The following BASP1 variants were observed in gnomAD, a reference collection of about 807,000 sequenced individuals.
BASP1 encodes brain acid soluble protein 1.
Under a neutral mutation model 2.2 loss-of-function variants are expected in BASP1, and 1 was observed. The observed-to-expected ratio is 0.46, with a 90% confidence interval of 0.16 to 2.17. The LOEUF (loss-of-function observed/expected upper bound fraction) is 2.17, where lower values mean the gene tolerates loss of function less well. Among genes scored for constraint, BASP1 ranks in the 30% most tolerant of loss-of-function variants. The pLI is 0.27. For synonymous variants in BASP1, 187 were observed against 154.2 expected (o/e 1.21, Z -1.58); for missense variants, 352 against 327.2 (o/e 1.08, Z -0.58).
At chr5:17,234,684 A>C (rs1225522358) in intron 1 of BASP1, among the ~76,000 whole-genome samples, 2 of 152,232 alleles carry the variant, frequency 1.3e-5, no homozygotes, top group African/African-American at 2.4e-5. Context: ...TCCTTTAAGT[A>C]GCTTACAGTG....
chr5:17,250,395 C>T (rs1238105984), intron 1 of BASP1, among the ~76,000 whole-genome samples: 1 of 152,090 alleles, frequency 6.6e-6, no homozygotes, highest in South Asian at 2.1e-4. Context: ...TAACTATTAA[C>T]AATCAGTCTA....
At chr5:17,231,294 T>C (rs1343146791) in intron 1 of BASP1, among the ~76,000 whole-genome samples, 1 of 152,194 alleles carries the variant, frequency 6.6e-6, no homozygotes, top group Non-Finnish European at 1.5e-5. Context: ...GAATTCCCCA[T>C]ATGGCCTCCT....
chr5:17,250,290 G>C (rs974795124), intron 1 of BASP1, among the ~76,000 whole-genome samples: 1 of 152,150 alleles, frequency 6.6e-6, no homozygotes, highest in African/African-American at 2.4e-5. Flanking sequence ...TTAAAAGGTC[G>C]CTTTGTTCTT....
Position 17,260,344 on chromosome 5 carries a change from A to G in BASP1, c.-9-14864A>G, listed in dbSNP as rs1337379144. Among the ~76,000 whole-genome samples, 3 of 152,240 alleles carry G rather than the reference A, an allele frequency of 2.0e-5. No individual in the cohort carries two copies. The highest frequency in any genetic ancestry group is 1.3e-4 in the Admixed American group (2 of 15,284). On this transcript the variant is annotated intron_variant, in intron 1 of 1. Coordinates refer to ENST00000322611, the MANE Select transcript of BASP1 (RefSeq NM_006317.5). This position sits in a 1 kb window ranked among gnomAD's most constrained non-coding sequence, Gnocchi z 4.2. ...ACCTTTATAGAAGCATTATCAAGTCAGGGTTTTATGGTTAAATCTTGTAGA... is the reference window on the plus strand; with the variant it reads ...ACCTTTATAGAAGCATTATCAAGTCGGGGTTTTATGGTTAAATCTTGTAGA...
chr5:17,239,920 A>G (rs891309007), intron 1 of BASP1, among the ~76,000 whole-genome samples: 2 of 152,034 alleles, frequency 1.3e-5, no homozygotes, highest in Non-Finnish European at 2.9e-5. Flanking sequence ...TGTAGTCAGA[A>G]CTGTTTATAG....
intron 1 of BASP1, among the ~76,000 whole-genome samples, chr5:17,255,342 T>G (rs897337995): frequency 2.0e-5 from 3 of 152,208 alleles, no homozygotes; most frequent in Non-Finnish European, 4.4e-5. Context: ...GGTCCTTCCA[T>G]TTCACATTAA....
intron 1 of BASP1, among the ~76,000 whole-genome samples, chr5:17,267,574 G>A (rs1392666909): frequency 6.6e-6 from 1 of 150,740 alleles, no homozygotes; most frequent in Non-Finnish European, 1.5e-5. Context: ...GCTGGAGTGC[G>A]GTGGCACGAT....
At chr5:17,248,472 G>A (rs1261521017) in intron 1 of BASP1, among the ~76,000 whole-genome samples, 1 of 152,190 alleles carries the variant, frequency 6.6e-6, no homozygotes, top group Non-Finnish European at 1.5e-5. Context: ...TTACTTTAGA[G>A]AGGCTACTGC....
intron 1 of BASP1, among the ~76,000 whole-genome samples, chr5:17,257,897 C>G (rs574475952): frequency 1.3e-5 from 2 of 152,180 alleles, no homozygotes; most frequent in African/African-American, 4.8e-5. Flanking sequence ...CAAACAGCAC[C>G]GTTCCTGTGT....
At chr5:17,274,095 C>T (rs1260846426) in intron 1 of BASP1, among the ~76,000 whole-genome samples, 1 of 152,118 alleles carries the variant, frequency 6.6e-6, no homozygotes, top group Non-Finnish European at 1.5e-5. Flanking sequence ...GAGAGAATTT[C>T]AAGATTCAAA....
At chr5:17,245,307 C>CA (rs761635722) in intron 1 of BASP1, among the ~76,000 whole-genome samples, 9,299 of 72,584 alleles carry the variant, frequency 0.13, 331 homozygotes, top group Middle Eastern at 0.19. Flanking sequence ...GACTCCGTCT[C>CA]AAAAAAAAAA....
intron 1 of BASP1, among the ~76,000 whole-genome samples, chr5:17,241,537 AT>A (rs1194478920): frequency 1.3e-5 from 2 of 152,358 alleles, no homozygotes; most frequent in African/African-American, 4.8e-5. Context: ...ATCTTAGTTC[AT>A]GTTGCATGTC....
At chr5:17,268,522 G>A (rs1005618867) in intron 1 of BASP1, among the ~76,000 whole-genome samples, 1 of 152,154 alleles carries the variant, frequency 6.6e-6, no homozygotes, top group Non-Finnish European at 1.5e-5. Flanking sequence ...ATTATAGTTT[G>A]TAAGAATTGT....
At chr5:17,234,357 C>T (rs537580692) in intron 1 of BASP1, among the ~76,000 whole-genome samples, 1 of 152,064 alleles carries the variant, frequency 6.6e-6, no homozygotes, top group Non-Finnish European at 1.5e-5. Context: ...GCAAGATATA[C>T]ACTTACACAT....
chr5:17,273,550 G>A (rs1017440278), intron 1 of BASP1, among the ~76,000 whole-genome samples: 16 of 152,138 alleles, frequency 1.1e-4, no homozygotes, highest in African/African-American at 3.9e-4. Flanking sequence ...ATATAGAATG[G>A]TGAGAAAAAT....
Position 17,260,607 on chromosome 5 carries a change from T to C in BASP1, c.-9-14601T>C, listed in dbSNP as rs1740295597. Among the ~76,000 whole-genome samples the C allele has an allele frequency of 6.6e-6, 1 of 152,222 alleles. No individual in the cohort carries two copies. The highest frequency in any genetic ancestry group is 2.4e-5 in the African/African-American group (1 of 41,462). ...TAGTTTATTGATTTTTTTCTACTGC[T>C]GGTGAAAGGTAAGTTACATAACCCA... On this transcript the variant is annotated intron_variant, in intron 1 of 1. Transcript: ENST00000322611. This position sits in a 1 kb window ranked among gnomAD's most constrained non-coding sequence, Gnocchi z 4.2.
At chr5:17,220,066 A>G (rs1333568643) in intron 1 of BASP1, among the ~76,000 whole-genome samples, 1 of 152,214 alleles carries the variant, frequency 6.6e-6, no homozygotes, top group Non-Finnish European at 1.5e-5. Context: ...TAGGAGCCAA[A>G]TATGATATTT....
chr5:17,224,263 C>T (rs1400878780), intron 1 of BASP1, among the ~76,000 whole-genome samples: 1 of 152,108 alleles, frequency 6.6e-6, no homozygotes, highest in Non-Finnish European at 1.5e-5. Context: ...GTTTTTGTAT[C>T]TTACGGATTC....
rs944357615 is a variant in BASP1, at chr5:17,251,279, T to C, written c.-9-23929T>C. Among the ~76,000 whole-genome samples, 1 of 152,138 alleles carries C rather than the reference T, an allele frequency of 6.6e-6. No individual in the cohort carries two copies. Among genetic ancestry groups the C allele is most frequent in the Non-Finnish European group, 1.5e-5 (1 of 68,030 alleles). ...CACATTGTATACAAGTATCAAAATA[T>C]CACATGTACCCCCAAAATACATAAA... On this transcript the variant is annotated intron_variant, in intron 1 of 1. Coordinates refer to ENST00000322611, the MANE Select transcript of BASP1 (RefSeq NM_006317.5). This position sits in a 1 kb window ranked among gnomAD's most constrained non-coding sequence, Gnocchi z 4.0.
Sources: allele counts gnomAD v4.1 joint callset (sites outside exome capture counted in the v4.1 genomes callset), GRCh38; gene constraint gnomAD v4.1.1; non-coding constraint Gnocchi (gnomAD v3.1); transcripts MANE v1.5; gene names NCBI Gene and HGNC (gene_info 2026-07-23, HGNC 2026-07-21).